Variants in GFRAL observed in about 807,000 individuals in gnomAD.
The protein encoded by GFRAL is GDNF family receptor alpha-like.
A neutral mutation model predicts 45.4 loss-of-function variants in GFRAL; 36 were observed. The ratio of observed to expected loss-of-function variants is 0.79; its 90% CI spans 0.61 to 1.05. The LOEUF (loss-of-function observed/expected upper bound fraction) is 1.05, where lower values mean the gene tolerates loss of function less well. Ranked by LOEUF, GFRAL falls within the 50% of genes least tolerant of loss-of-function variation. GFRAL has a pLI of 0.00. For missense variants in GFRAL, 507 were observed against 467.5 expected (o/e 1.08, Z -0.78); for synonymous variants, 166 against 154.1 (o/e 1.08, Z -0.57).
Position 55,333,832 on chromosome 6 carries a change from G to A in GFRAL, c.204G>A (p.Leu68=), listed in dbSNP as rs757924311. 2 of 1,608,552 alleles carry A rather than the reference G, an allele frequency of 1.2e-6. No individual in the cohort carries two copies. Among genetic ancestry groups the A allele is most frequent in the South Asian group, 2.2e-5 (2 of 90,480 alleles). Residue 68 remains leucine (L), a synonymous_variant, in exon 3 of 9, where the codon CTG becomes CTA. Coordinates refer to ENST00000340465, the MANE Select transcript of GFRAL (RefSeq NM_207410.2). ...CKMRNSSYCN[L]SIQYLVESNF... is the part of the protein sequence containing the mutation. ...TGAGGAATTCATCATACTGTAACCTGAGTATCCAGTACTTAGTGGAAAGCA... is the reference window on the plus strand; with the variant it reads ...TGAGGAATTCATCATACTGTAACCTAAGTATCCAGTACTTAGTGGAAAGCA...
intron 6 of GFRAL, among the ~76,000 whole-genome samples, chr6:55,383,495 G>T (rs534512598): frequency 1.6e-4 from 25 of 152,012 alleles, no homozygotes; most frequent in African/African-American, 5.8e-4. Flanking sequence ...ATACCATTGT[G>T]TTACACGTTG....
At chr6:55,391,752 A>G (rs375484526) in intron 6 of GFRAL, among the ~76,000 whole-genome samples, 19 of 152,192 alleles carry the variant, frequency 1.2e-4, no homozygotes, top group African/African-American at 4.6e-4. Flanking sequence ...AAAAAAGGAT[A>G]AAAACATTGA....
chr6:55,390,829 A>G (rs1768739771), intron 6 of GFRAL, among the ~76,000 whole-genome samples: 2 of 151,720 alleles, frequency 1.3e-5, no homozygotes, highest in African/African-American at 4.8e-5. Flanking sequence ...CAGAGATTGC[A>G]GTGAGCCAAG....
intron 6 of GFRAL, among the ~76,000 whole-genome samples, chr6:55,368,878 G>C (rs1768405863): frequency 6.6e-6 from 1 of 152,120 alleles, no homozygotes; most frequent in African/African-American, 2.4e-5. Context: ...GTCTGCAGAG[G>C]TTACTGCTGT....
chr6:55,336,974 A>G (rs1441898745), intron 3 of GFRAL, among the ~76,000 whole-genome samples: 2 of 152,104 alleles, frequency 1.3e-5, no homozygotes, highest in Non-Finnish European at 2.9e-5. Flanking sequence ...CTCTATTACT[A>G]TTAATTACTT....
At chr6:55,354,519 T>G (rs1334593149) in intron 5 of GFRAL, among the ~76,000 whole-genome samples, 1 of 152,074 alleles carries the variant, frequency 6.6e-6, no homozygotes, top group Non-Finnish European at 1.5e-5. Context: ...TTCAATTTCC[T>G]TTCACTATGT....
intron 5 of GFRAL, among the ~76,000 whole-genome samples, chr6:55,356,987 T>C (rs1254798367): frequency 6.6e-6 from 1 of 151,940 alleles, no homozygotes; most frequent in Non-Finnish European, 1.5e-5. Context: ...AATTTCCATG[T>C]ATTTGTATAG....
chr6:55,362,627 G>GA (rs1581912767), intron 6 of GFRAL, among the ~76,000 whole-genome samples: 1 of 152,124 alleles, frequency 6.6e-6, no homozygotes, highest in South Asian at 2.1e-4. Flanking sequence ...AGAGACAGAG[G>GA]ACCATCAACA....
At chr6:55,368,121 C>A (rs1188664287) in intron 6 of GFRAL, among the ~76,000 whole-genome samples, 1 of 150,082 alleles carries the variant, frequency 6.7e-6, no homozygotes, top group Non-Finnish European at 1.5e-5. Context: ...TCCCATATTT[C>A]TTGGAGGCTT....
intron 3 of GFRAL, among the ~76,000 whole-genome samples, chr6:55,346,068 T>C (rs1439115714): frequency 7.9e-5 from 12 of 152,174 alleles, no homozygotes; most frequent in East Asian, 5.8e-4. Context: ...TGTGGAGAAA[T>C]AGGAACACTT....
chr6:55,347,895 A>T (rs1191083058), intron 3 of GFRAL, among the ~76,000 whole-genome samples: 1 of 152,160 alleles, frequency 6.6e-6, no homozygotes, highest in South Asian at 2.1e-4. Flanking sequence ...ATTTAATTCA[A>T]CTAGTCATTT....
At chr6:55,332,457 G>T (rs909326297) in intron 2 of GFRAL, among the ~76,000 whole-genome samples, 62 of 151,092 alleles carry the variant, frequency 4.1e-4, no homozygotes, top group African/African-American at 1.5e-3. Flanking sequence ...ATCTTGGTCT[G>T]TCGCCAGGCT....
Position 55,387,978 on chromosome 6 carries a change from T to A in GFRAL, c.953-11202T>A, listed in dbSNP as rs1164032184. Among the ~76,000 whole-genome samples the A allele has an allele frequency of 3.3e-5, 5 of 152,198 alleles. 1 individual carries two copies. Among genetic ancestry groups the A allele is most frequent in the African/African-American group, 1.2e-4 (5 of 41,454 alleles). ...ACTAGATAAAAGAATGTAGAATGGA[T>A]GAAAGCCACTGCATGGCACATGTGA... On this transcript the variant is annotated intron_variant, in intron 6 of 8. Coordinates refer to ENST00000340465, the MANE Select transcript of GFRAL (RefSeq NM_207410.2).
At chr6:55,364,121 A>T (rs1264312531) in intron 6 of GFRAL, among the ~76,000 whole-genome samples, 2 of 149,288 alleles carry the variant, frequency 1.3e-5, no homozygotes, top group African/African-American at 5.0e-5. Context: ...CTTTTAAATG[A>T]TTGCCATTCT....
chr6:55,395,715 A>T (rs1768815931), intron 6 of GFRAL, among the ~76,000 whole-genome samples: 1 of 151,524 alleles, frequency 6.6e-6, no homozygotes, highest in African/African-American at 2.4e-5. Flanking sequence ...TTACTGTTTC[A>T]TGTGAATTAT....
At chr6:55,348,287 T>C (rs1216362723) in intron 3 of GFRAL, among the ~76,000 whole-genome samples, 1 of 152,012 alleles carries the variant, frequency 6.6e-6, no homozygotes, top group Non-Finnish European at 1.5e-5. Context: ...TTATATTTAA[T>C]GTGTAAATGT....
chr6:55,359,016 C>G lies in GFRAL; in HGVS notation c.830C>G (p.Ala277Gly). Residue 277 changes from alanine to glycine, a missense_variant, in exon 6 of 9, where the codon GCT becomes GGT. Transcript: ENST00000340465. ...TGTTCAGGAAGTGATGACTGCAAAGCTGCTTACATAGATATCCTTGGGACG... is the reference window on the plus strand; with the variant it reads ...TGTTCAGGAAGTGATGACTGCAAAGGTGCTTACATAGATATCCTTGGGACG... ...LTCSGSDDCK[A>G]AYIDILGTVL... 1 of 1,613,090 alleles carries G rather than the reference C, an allele frequency of 6.2e-7. No individual in the cohort carries two copies. The highest frequency in any genetic ancestry group is 8.5e-7 in the Non-Finnish European group (1 of 1,179,378).
intron 6 of GFRAL, among the ~76,000 whole-genome samples, chr6:55,386,160 TA>T (rs1387601376): frequency 1.3e-4 from 20 of 152,276 alleles, no homozygotes; most frequent in African/African-American, 4.8e-4. Context: ...AGATTTGGGA[TA>T]AAAGAGTTTT....
chr6:55,368,515 A>G (rs368240549), intron 6 of GFRAL, among the ~76,000 whole-genome samples: 11,062 of 150,662 alleles, frequency 0.073, 488 homozygotes, highest in African/African-American at 0.13. Context: ...GAGGAGAGGC[A>G]CTCTGCTTTT....
Sources: gnomAD v4.1 joint callset for allele counts (sites outside exome capture counted in the v4.1 genomes callset) on GRCh38, gnomAD v4.1.1 for gene constraint, MANE v1.5 for transcripts, NCBI Gene and HGNC (gene_info 2026-07-23, HGNC 2026-07-21) for gene names.